ETFB: variants seen among roughly 807,000 people sequenced by gnomAD.
ETFB encodes the protein electron transfer flavoprotein subunit beta.
Under a neutral mutation model 25.6 loss-of-function variants are expected in ETFB, and 20 were observed. The observed-to-expected ratio is 0.78, with a 90% CI of 0.55 to 1.14. ETFB has a LOEUF of 1.14. ETFB is among the 50% of genes most tolerant of loss of function. The probability of loss-of-function intolerance (pLI) is 0.00; values close to 1 mark genes in which losing one functional copy is unlikely to be tolerated. For synonymous variants in ETFB, 142 were observed against 146.7 expected (o/e 0.97, Z 0.23); for missense variants, 286 against 342.6 (o/e 0.83, Z 1.30).
intron 3 of ETFB, among the ~76,000 whole-genome samples, chr19:51,352,691 G>A (rs116933175): frequency 3.3e-5 from 5 of 152,002 alleles, no homozygotes; most frequent in Admixed American, 6.6e-5. Flanking sequence ...GCAGTGGTGC[G>A]ATCTTGTATC....
rs1985756823 is a variant in ETFB, at chr19:51,345,683, G to A, written c.598-302C>T. 1.1e-5 allele frequency: 5 copies of A among 454,942 alleles called. No homozygotes were observed. The East Asian group carries it at 2.3e-4, about 21-fold the overall frequency. 28.2% of individuals were successfully genotyped at this position (454,942 alleles called of 1,614,324 possible). A position where few individuals can be genotyped will look rare whatever the true frequency, so the allele number is the denominator to read the frequency against. On this transcript the variant is annotated intron_variant, in intron 5 of 5. Coordinates refer to ENST00000309244, the MANE Select transcript of ETFB (RefSeq NM_001985.3). ...CCATCCTTTTGGTAGTAATGACTCA[G>A]TGGACTTTTGGTTGAGATGGCATGC...
rs764342231 is a variant in ETFB at position 51,366,358 on chromosome 19, C to T, written c.-32G>A. 6.2e-7 allele frequency: 1 copy of T among 1,608,602 alleles called. No homozygotes were observed. Among genetic ancestry groups the T allele is most frequent in the East Asian group, 2.2e-5 (1 of 44,738 alleles). On this transcript the variant is annotated 5_prime_UTR_variant, in exon 1 of 6. Transcript: ENST00000309244. Reference sequence around the variant, plus strand: ...GCCGCAGCCACTTACAGGGTCAGCCCGCACCCTCAGCGGCTCAGTCCAGAA... The same window carrying T: ...GCCGCAGCCACTTACAGGGTCAGCCTGCACCCTCAGCGGCTCAGTCCAGAA...
Position 51,357,307 on chromosome 19 carries a change from C to T in ETFB, c.58-2999G>A, listed in dbSNP as rs185042863. On this transcript the variant is annotated intron_variant, in intron 1 of 5. Coordinates refer to ENST00000309244, the MANE Select transcript of ETFB (RefSeq NM_001985.3). ...CAGGCTGGTCTTGAACTCCTGACCT[C>T]AGGTGATCTGCTCTCCTCGGCCTCC... is the stretch of plus-strand genomic sequence containing the variant. Among the ~76,000 whole-genome samples, 15 of 151,010 alleles carry T rather than the reference C, an allele frequency of 9.9e-5. No individual in the cohort carries two copies. The East Asian group carries it at 2.9e-3, about 30-fold the overall frequency.
chr19:51,354,678 T>G (rs1259025411), intron 1 of ETFB: 4 of 1,605,232 alleles, frequency 2.5e-6, no homozygotes, highest in Non-Finnish European at 3.4e-6. Context: ...CATAATACAC[T>G]GATACATAAA....
At chr19:51,358,926 G>A (rs1205429871) in intron 1 of ETFB, among the ~76,000 whole-genome samples, 1 of 151,974 alleles carries the variant, frequency 6.6e-6, no homozygotes, top group Non-Finnish European at 1.5e-5. Flanking sequence ...CTGAGCCCAG[G>A]AGGTCAAGGG....
chr19:51,347,026 C>T lies in ETFB; in HGVS notation c.471G>A (p.Gly157=), dbSNP rs765846018. The change falls in exon 5 of 6, where the codon GGG becomes GGA. Residue 157 remains glycine (G), a synonymous_variant. Transcript: ENST00000309244. ...TCTCCCGCTCCACTTTCAACTTGTCCCCCTCCAGCGTCACCTGGGAGGCGA... is the reference window on the plus strand; with the variant it reads ...TCTCCCGCTCCACTTTCAACTTGTCTCCCTCCAGCGTCACCTGGGAGGCGA... ...GTFASQVTLE[G]DKLKVEREID... is the part of the protein sequence containing the mutation. 12 of 1,613,674 alleles carry T rather than the reference C, an allele frequency of 7.4e-6. No homozygotes were observed. The highest frequency in any genetic ancestry group is 2.2e-5 in the East Asian group (1 of 44,862).
intron 1 of ETFB, chr19:51,355,767 CAA>C (rs1206950436): frequency 6.6e-6 from 1 of 151,608 alleles, no homozygotes; most frequent in Non-Finnish European, 1.5e-5. Flanking sequence ...CAGCCATAAA[CAA>C]TGATGAGTTC....
intron 3 of ETFB, among the ~76,000 whole-genome samples, chr19:51,350,686 T>C (rs538006924): frequency 6.6e-6 from 1 of 152,220 alleles, no homozygotes; most frequent in Non-Finnish European, 1.5e-5. Flanking sequence ...GGTTTCAACA[T>C]GTTGGCCAGG....
intron 4 of ETFB, among the ~76,000 whole-genome samples, chr19:51,349,731 C>T (rs2123578836): frequency 6.6e-6 from 1 of 152,104 alleles, no homozygotes; most frequent in African/African-American, 2.4e-5. Context: ...AGGTGTGAGC[C>T]ACTGTGCCAA....
chr19:51,349,308 T>G (rs1353443936), intron 4 of ETFB, among the ~76,000 whole-genome samples: 1 of 152,214 alleles, frequency 6.6e-6, no homozygotes, highest in Non-Finnish European at 1.5e-5. Context: ...AGCATATGTA[T>G]CTTAATATTT....
At chr19:51,358,837 A>C (rs74176140) in intron 1 of ETFB, among the ~76,000 whole-genome samples, 67,753 of 122,450 alleles carry the variant, frequency 0.55, 16,850 homozygotes, top group Non-Finnish European at 0.63. Flanking sequence ...ACAACAAAAA[A>C]AAAAAAAAAA....
intron 3 of ETFB, among the ~76,000 whole-genome samples, chr19:51,351,681 A>G (rs1985937136): frequency 6.6e-6 from 1 of 152,172 alleles, no homozygotes; most frequent in South Asian, 2.1e-4. Context: ...CAGTTGACTG[A>G]TCTGTACTCT....
In ETFB at chr19:51,346,915, C is replaced by A; in HGVS notation, c.582G>T (p.Thr194=). 6.4e-7 allele frequency: 1 copy of A among 1,556,180 alleles called. No homozygotes were observed. The highest frequency in any genetic ancestry group is 2.4e-5 in the East Asian group (1 of 41,330). The stretch of plus-strand genomic sequence containing the variant: ...AGGGGCTCACCATGATGTTGGGCAG[C>A]GTGGCGTAGCGGGGCTCGTTGAGCC... ...DLRLNEPRYA[T]LPNIMKAKKK... Residue 194 remains threonine, a synonymous_variant, in exon 5 of 6, where the codon ACG becomes ACT. Transcript: ENST00000309244.
chr19:51,362,344 G>A (rs1986253873), intron 1 of ETFB, among the ~76,000 whole-genome samples: 1 of 152,160 alleles, frequency 6.6e-6, no homozygotes, highest in African/African-American at 2.4e-5. Flanking sequence ...TTGGGAGGCT[G>A]AGGCGGGTGG....
At chr19:51,360,993 G>C (rs937663429) in intron 1 of ETFB, among the ~76,000 whole-genome samples, 8 of 151,984 alleles carry the variant, frequency 5.3e-5, no homozygotes, top group African/African-American at 1.7e-4. Context: ...CACCGTGTTA[G>C]CCAGGATGGT....
At chr19:51,345,482 G>T in intron 5 of ETFB, 101 bp from the exon 6 acceptor site, 1 of 1,223,044 alleles carries the variant, frequency 8.2e-7, no homozygotes, top group Non-Finnish European at 1.2e-6. Flanking sequence ...AGTCCCATGG[G>T]CTGAACCCTC....
At chr19:51,354,870 T>C (rs1351288932) in intron 1 of ETFB, 6 of 500,048 alleles carry the variant, frequency 1.2e-5, no homozygotes, top group African/African-American at 1.9e-5. Flanking sequence ...CCAGGAAAAG[T>C]TCCCTCCCCT....
chr19:51,348,645 A>G (rs1001613107), intron 4 of ETFB: 2 of 141,254 alleles, frequency 1.4e-5, no homozygotes, highest in Admixed American at 7.3e-5. Flanking sequence ...CAACTTAGAT[A>G]TGTGCGGTTT....
chr19:51,346,955 AC>A lies in ETFB; in HGVS notation c.541del (p.Val181Ter), dbSNP rs1454877670. The A allele has an allele frequency of 1.9e-6, 3 of 1,597,004 alleles. No homozygotes were observed. The African/African-American group carries it at 4.0e-5, about 21-fold the overall frequency. ...ETLRLKLPAVVTADLRLNEPR... is the reference protein window; with the variant it reads ...ETLRLKLPAVXTADLRLNEPR... ...CTCGTTGAGCCTCAGGTCAGCTGTC[AC>A]CACAGCTGGCAGCTTCAGGCGCAGG... On this transcript the variant is annotated frameshift_variant, in exon 5 of 6. Transcript: ENST00000309244. LOFTEE classifies it high-confidence loss of function.
Sources: allele counts gnomAD v4.1 joint callset (sites outside exome capture counted in the v4.1 genomes callset), GRCh38; gene constraint gnomAD v4.1.1; transcripts MANE v1.5; gene names NCBI Gene and HGNC (gene_info 2026-07-23, HGNC 2026-07-21).